The following WIF1 variants were observed in gnomAD, a reference collection of about 807,000 sequenced individuals.
The protein encoded by WIF1 is Wnt inhibitory factor 1.
WIF1 carries 35 observed loss-of-function variants against 53.5 expected under a neutral mutation model. That is an observed-to-expected ratio of 0.65 (90% CI 0.50 to 0.87). The LOEUF is 0.87. Ranked by LOEUF, WIF1 falls within the 40% of genes least tolerant of loss-of-function variation. The pLI is 0.00. For synonymous variants in WIF1, 171 were observed against 170.4 expected, an observed-to-expected ratio of 1.00 and a Z score of -0.03; for missense variants, 467 against 476.8, an observed-to-expected ratio of 0.98 and a Z score of 0.19.
rs1006343095 is a variant in WIF1, at chr12:65,056,034, T to G, written c.919A>C (p.Lys307Gln). Residue 307 changes from lysine to glutamine, a missense_variant, in exon 8 of 10, where the codon AAG (lysine) becomes CAG (glutamine). Transcript: ENST00000286574. ...GCAATGTGTATGGGGTACTTACGCT[T>G]TGAACAGAGGTCTCCCTGGTAACCT... ...SKGYQGDLCSKPVCEPGCGAH... is the reference protein window; with the variant it reads ...SKGYQGDLCSQPVCEPGCGAH... 1.2e-6 allele frequency: 2 copies of G among 1,613,620 alleles called. No individual in the cohort carries two copies. The highest frequency in any genetic ancestry group is 1.7e-6 in the Non-Finnish European group (2 of 1,179,870).
At chr12:65,076,982 A>G (rs1413727876) in intron 3 of WIF1, among the ~76,000 whole-genome samples, 2 of 152,122 alleles carry the variant, frequency 1.3e-5, no homozygotes, top group Non-Finnish European at 2.9e-5. Flanking sequence ...AAGGAAATAC[A>G]TTAGGATGAT....
intron 2 of WIF1, among the ~76,000 whole-genome samples, chr12:65,108,511 C>T (rs1198744713): frequency 6.6e-6 from 1 of 152,190 alleles, no homozygotes; most frequent in Non-Finnish European, 1.5e-5. Flanking sequence ...TCTGCCCTTG[C>T]TCTAGTTATT....
chr12:65,062,002 T>C (rs1345813919), intron 7 of WIF1, among the ~76,000 whole-genome samples: 1 of 152,246 alleles, frequency 6.6e-6, no homozygotes, highest in Non-Finnish European at 1.5e-5. Context: ...TTTATTGCTA[T>C]GCGCCTCTTT....
chr12:65,115,655 C>A (rs1452386711), intron 2 of WIF1, among the ~76,000 whole-genome samples: 1 of 152,132 alleles, frequency 6.6e-6, no homozygotes, highest in African/African-American at 2.4e-5. Flanking sequence ...TACTAAAAAT[C>A]CATTAAGGCT....
intron 2 of WIF1, among the ~76,000 whole-genome samples, chr12:65,078,575 G>A (rs1421927260): frequency 6.6e-6 from 1 of 152,074 alleles, no homozygotes; most frequent in African/African-American, 2.4e-5. Context: ...TTGTAATGAA[G>A]TCCCAAATTC....
intron 2 of WIF1, among the ~76,000 whole-genome samples, chr12:65,100,100 AT>A (rs1457446551): frequency 5.9e-5 from 9 of 152,240 alleles, no homozygotes; most frequent in Non-Finnish European, 1.2e-4. Context: ...TTACTCATTC[AT>A]TTAAAAGTAG....
At chr12:65,102,343 A>G (rs764615079) in intron 2 of WIF1, among the ~76,000 whole-genome samples, 40 of 152,136 alleles carry the variant, frequency 2.6e-4, no homozygotes, top group Non-Finnish European at 5.4e-4. Flanking sequence ...AGTCCCAGGA[A>G]AGCCCATGGT....
At position 65,121,217 on chromosome 12, in the gene WIF1, G is replaced by A; in HGVS notation, c.-26C>T. The A allele has an allele frequency of 1.2e-5, 18 of 1,446,768 alleles. No individual in the cohort carries two copies. The highest frequency in any genetic ancestry group is 1.6e-5 in the Non-Finnish European group (17 of 1,092,790). 89.6% of individuals were successfully genotyped at this position (1,446,768 alleles called of 1,614,324 possible). A position where few individuals can be genotyped will look rare whatever the true frequency, so the allele number is the denominator to read the frequency against. On this transcript the variant is annotated 5_prime_UTR_variant, in exon 1 of 10. Coordinates refer to ENST00000286574, the MANE Select transcript of WIF1 (RefSeq NM_007191.5). ...GCTGCTCAGGACCTCCTCGCTGCCG[G>A]GAAAACTCCTCGTGCCGCACCTACG...
chr12:65,099,335 C>T (rs925085775), intron 2 of WIF1, among the ~76,000 whole-genome samples: 1 of 152,192 alleles, frequency 6.6e-6, no homozygotes, highest in African/African-American at 2.4e-5. Flanking sequence ...CTCCATCAGA[C>T]CTGCCCATTT....
chr12:65,051,300 A>G lies in WIF1; in HGVS notation c.*49T>C. On this transcript the variant is annotated 3_prime_UTR_variant, in exon 10 of 10. Coordinates refer to ENST00000286574, the MANE Select transcript of WIF1 (RefSeq NM_007191.5). ...TGAACATTCAACACATGAAAGGTTA[A>G]CAAAGGCTATGAACTTGGTGTAACT... 6.3e-7 allele frequency: 1 copy of G among 1,580,422 alleles called. No homozygotes were observed. The highest frequency in any genetic ancestry group is 2.3e-5 in the East Asian group (1 of 43,988).
rs764156162 is a variant in WIF1 at position 65,066,629 on chromosome 12, A to C, written c.730+12T>G. ...AGTAAAAATAACTTTCTTCTTAAAA[A>C]GAAACTGTTACCTTTGTCACAGTTC... is the stretch of plus-strand genomic sequence containing the variant. On this transcript the variant is annotated intron_variant, in intron 6 of 9. Coordinates refer to ENST00000286574, the MANE Select transcript of WIF1 (RefSeq NM_007191.5). The C allele has an allele frequency of 5.0e-6, 8 of 1,585,858 alleles. No individual in the cohort carries two copies. The South Asian group carries it at 9.3e-5, about 18-fold the overall frequency.
intron 2 of WIF1, among the ~76,000 whole-genome samples, chr12:65,117,544 G>T (rs964934185): frequency 6.6e-6 from 1 of 152,140 alleles, no homozygotes; most frequent in Admixed American, 6.5e-5. Flanking sequence ...TGGACCGGGC[G>T]GTGGAGGAAT....
At chr12:65,063,074 T>TA (rs1251432726) in intron 6 of WIF1, among the ~76,000 whole-genome samples, 1 of 152,122 alleles carries the variant, frequency 6.6e-6, no homozygotes, top group African/African-American at 2.4e-5. Flanking sequence ...GATTGTTTTT[T>TA]AAAAAATATA....
chr12:65,083,829 C>CTCTTT lies in WIF1; in HGVS notation c.289-5980_289-5976dup, dbSNP rs71096022. 1,922 of 251,782 alleles carry CTCTTT rather than the reference C, an allele frequency of 7.6e-3. 150 individuals are homozygous for CTCTTT. The highest frequency in any genetic ancestry group is 0.036 in the African/African-American group (686 of 18,970). The allele number at this position is 251,782 out of a possible 1,614,324, so 15.6% of individuals were successfully genotyped here. A position where few individuals can be genotyped will look rare whatever the true frequency, so the allele number is the denominator to read the frequency against. Reference sequence around the variant, plus strand: ...TTCCTTTCCTTTCCTCTCCTCTTTTCTCTTTTCTTTTCTTTTCTTTTCTTT... The same window carrying CTCTTT: ...TTCCTTTCCTTTCCTCTCCTCTTTTCTCTTTTCTTTTCTTTTCTTTTCTTTTCTTT... On this transcript the variant is annotated intron_variant, in intron 2 of 9. Coordinates refer to ENST00000286574, the MANE Select transcript of WIF1 (RefSeq NM_007191.5).
intron 2 of WIF1, among the ~76,000 whole-genome samples, chr12:65,078,414 C>T (rs1451056462): frequency 6.6e-6 from 1 of 151,960 alleles, no homozygotes; most frequent in Non-Finnish European, 1.5e-5. Flanking sequence ...TAATTGCTGT[C>T]TTTTTAAAAG....
chr12:65,086,209 A>G (rs528870990), intron 2 of WIF1, among the ~76,000 whole-genome samples: 1 of 152,190 alleles, frequency 6.6e-6, no homozygotes, highest in South Asian at 2.1e-4. Context: ...CCTGTTCAGC[A>G]CACTGCTTTC....
intron 7 of WIF1, among the ~76,000 whole-genome samples, chr12:65,060,563 A>G (rs1882596820): frequency 6.6e-6 from 1 of 152,146 alleles, no homozygotes; most frequent in Non-Finnish European, 1.5e-5. Context: ...AGGGGAGGTG[A>G]CTGCTAATAG....
At chr12:65,100,208 T>C (rs1385734250) in intron 2 of WIF1, among the ~76,000 whole-genome samples, 7 of 152,214 alleles carry the variant, frequency 4.6e-5, no homozygotes, top group African/African-American at 1.7e-4. Flanking sequence ...AGAAGTATAA[T>C]TTATAATGTA....
At chr12:65,097,152 ATT>A (rs1479423972) in intron 2 of WIF1, among the ~76,000 whole-genome samples, 1 of 151,526 alleles carries the variant, frequency 6.6e-6, no homozygotes, top group African/African-American at 2.4e-5. Context: ...GGCCTCTTTT[ATT>A]CACCTTAAAA....
Sources: allele counts gnomAD v4.1 joint callset (sites outside exome capture counted in the v4.1 genomes callset), GRCh38; gene constraint gnomAD v4.1.1; transcripts MANE v1.5; gene names NCBI Gene and HGNC (gene_info 2026-07-23, HGNC 2026-07-21).